Variants in SGCD observed in about 807,000 individuals in gnomAD.
SGCD encodes the protein sarcoglycan delta, also known as delta-sarcoglycan.
SGCD carries 18 observed loss-of-function variants against 36.6 expected under a neutral mutation model. The observed-to-expected ratio is 0.49, with a 90% CI of 0.34 to 0.73. The LOEUF is 0.73. Ranked by LOEUF, SGCD falls within the 30% of genes least tolerant of loss-of-function variation. The probability of loss-of-function intolerance (pLI) is 0.01; values close to 1 mark genes in which losing one functional copy is unlikely to be tolerated. For missense variants in SGCD, 387 were observed against 346.7 expected (o/e 1.12, Z -0.92); for synonymous variants, 133 against 130.6 (o/e 1.02, Z -0.12).
intron 1 of SGCD, among the ~76,000 whole-genome samples, chr5:155,968,484 A>G (rs1463688576): frequency 6.6e-6 from 1 of 152,142 alleles, no homozygotes; most frequent in Admixed American, 6.6e-5. Flanking sequence ...ATATTTTGAG[A>G]GAGAAAGACC....
intron 3 of SGCD, among the ~76,000 whole-genome samples, chr5:156,192,434 GAT>G (rs1313471276): frequency 6.6e-6 from 1 of 152,080 alleles, no homozygotes; most frequent in Non-Finnish European, 1.5e-5. Flanking sequence ...ATCTCATGGT[GAT>G]AGAGAGTAGA....
chr5:156,411,631 G>T (rs765412697), intron 3 of SGCD, among the ~76,000 whole-genome samples: 1 of 152,196 alleles, frequency 6.6e-6, no homozygotes, highest in Non-Finnish European at 1.5e-5. Context: ...ATATCTGCCT[G>T]CCAGGGCTAT....
At chr5:155,921,716 T>G (rs2113375636) in intron 1 of SGCD, among the ~76,000 whole-genome samples, 2 of 152,214 alleles carry the variant, frequency 1.3e-5, no homozygotes, top group Middle Eastern at 6.8e-3. Context: ...AACTATATAA[T>G]AAACATTGGT....
At position 156,605,854 on chromosome 5, in the gene SGCD, G is replaced by A. The variant is rs546794660; in HGVS notation, c.502+10803G>A. Among the ~76,000 whole-genome samples, 130 of 152,312 alleles carry A rather than the reference G, an allele frequency of 8.5e-4. 1 individual carries two copies. Among genetic ancestry groups the A allele is most frequent in the African/African-American group, 2.9e-3 (121 of 41,568 alleles). On this transcript the variant is annotated intron_variant, in intron 6 of 8. Coordinates refer to ENST00000337851, the MANE Select transcript of SGCD (RefSeq NM_000337.6). ...TGACTGCATAAATGTCTTCTTTTGA[G>A]AAGTGTCTGTTCATATCCTTCACCC...
chr5:155,865,886 C>A (rs1561631196), upstream of SGCD, among the ~76,000 whole-genome samples: 1 of 152,176 alleles, frequency 6.6e-6, no homozygotes, highest in African/African-American at 2.4e-5. Context: ...CTGTCAGTTG[C>A]TATCATTGAA....
chr5:156,345,221 A>G (rs946416909), intron 3 of SGCD, among the ~76,000 whole-genome samples: 10 of 152,126 alleles, frequency 6.6e-5, no homozygotes, highest in African/African-American at 2.4e-4. Context: ...TGGAAATTAG[A>G]GGAATGTAGC....
At chr5:156,510,135 GA>G (rs1168441344) in intron 4 of SGCD, among the ~76,000 whole-genome samples, 1 of 152,188 alleles carries the variant, frequency 6.6e-6, no homozygotes, top group Admixed American at 6.5e-5. Context: ...TAGTAAAAGA[GA>G]GGGAACAAGG....
intron 1 of SGCD, among the ~76,000 whole-genome samples, chr5:156,004,765 G>A (rs1454011423): frequency 6.6e-6 from 1 of 152,162 alleles, no homozygotes; most frequent in African/African-American, 2.4e-5. Context: ...TATAAATTGG[G>A]TAAATGAGCC....
intron 1 of SGCD, among the ~76,000 whole-genome samples, chr5:155,993,337 CTT>C (rs34221751): frequency 0.016 from 1,852 of 114,410 alleles, 15 homozygotes; most frequent in African/African-American, 0.053. Flanking sequence ...ATCTGGGGTC[CTT>C]TTTTTTTTTT....
At chr5:156,126,118 T>C (rs982972313) in intron 3 of SGCD, among the ~76,000 whole-genome samples, 2 of 151,972 alleles carry the variant, frequency 1.3e-5, no homozygotes, top group African/African-American at 4.8e-5. Flanking sequence ...TGAACTCAAG[T>C]GATCCTACCG....
intron 3 of SGCD, among the ~76,000 whole-genome samples, chr5:156,507,440 G>T (rs942513098): frequency 1.4e-4 from 21 of 152,318 alleles, no homozygotes; most frequent in African/African-American, 5.1e-4. Flanking sequence ...AGCCCATTGT[G>T]TCCTGGTCAG....
intron 2 of SGCD, among the ~76,000 whole-genome samples, chr5:156,120,568 T>C (rs536896385): frequency 6.6e-6 from 1 of 152,320 alleles, no homozygotes; most frequent in African/African-American, 2.4e-5. Context: ...ATATATTTCA[T>C]AAACATTTGC....
At chr5:156,743,753 AT>A (rs1756808658) in intron 7 of SGCD, among the ~76,000 whole-genome samples, 1 of 152,176 alleles carries the variant, frequency 6.6e-6, no homozygotes, top group African/African-American at 2.4e-5. Context: ...GAAGCCTAGA[AT>A]ATTATGAATA....
intron 4 of SGCD, among the ~76,000 whole-genome samples, chr5:156,541,776 C>T (rs1319154886): frequency 1.3e-5 from 2 of 152,034 alleles, no homozygotes; most frequent in Non-Finnish European, 2.9e-5. Context: ...TCATGACTTG[C>T]ACATTTTATG....
At chr5:156,685,732 A>G (rs1332550890) in intron 7 of SGCD, among the ~76,000 whole-genome samples, 1 of 152,260 alleles carries the variant, frequency 6.6e-6, no homozygotes, top group Non-Finnish European at 1.5e-5. Flanking sequence ...AGTAACCAGT[A>G]TCTACAGTAC....
chr5:156,193,182 G>A (rs1278726187), intron 3 of SGCD, among the ~76,000 whole-genome samples: 3 of 152,046 alleles, frequency 2.0e-5, no homozygotes, highest in Non-Finnish European at 4.4e-5. Context: ...TTCAAACATG[G>A]TTCTGAAGAA....
chr5:155,767,184 G>A, the SGCD span, among the ~76,000 whole-genome samples: 1 of 152,194 alleles, frequency 6.6e-6, no homozygotes, highest in South Asian at 2.1e-4. Context: ...CAGCTCCATG[G>A]AAGTGGGTCA....
At chr5:155,799,443 G>A in the SGCD span, among the ~76,000 whole-genome samples, 1 of 150,240 alleles carries the variant, frequency 6.7e-6, no homozygotes, top group Non-Finnish European at 1.5e-5. Context: ...ACCCAGGGTC[G>A]AGTGCAGTGT....
At chr5:156,596,391 T>A (rs2113394674) in intron 6 of SGCD, among the ~76,000 whole-genome samples, 1 of 152,246 alleles carries the variant, frequency 6.6e-6, no homozygotes, top group South Asian at 2.1e-4. Context: ...TTTATAAAAT[T>A]GGTATAATAG....
Sources: gnomAD v4.1 joint callset for allele counts (sites outside exome capture counted in the v4.1 genomes callset) on GRCh38, gnomAD v4.1.1 for gene constraint, MANE v1.5 for transcripts, NCBI Gene and HGNC (gene_info 2026-07-23, HGNC 2026-07-21) for gene names.